Variants in ACO2 observed in about 807,000 individuals in gnomAD.
ACO2 encodes the protein aconitase 2.
ACO2 carries 31 observed loss-of-function variants against 84.5 expected under a neutral mutation model. The observed-to-expected ratio is 0.37, with a 90% confidence interval of 0.28 to 0.50. ACO2 has a LOEUF of 0.50. ACO2 is among the 20% of genes least tolerant of loss of function. ACO2 has a pLI of 0.97. For missense variants in ACO2, 685 were observed against 1,029.3 expected (o/e 0.67, Z 4.58); for synonymous variants, 414 against 412.7 (o/e 1.00, Z -0.04).
At chr22:41,471,908 C>T (rs569824206) in intron 1 of ACO2, among the ~76,000 whole-genome samples, 1 of 152,308 alleles carries the variant, frequency 6.6e-6, no homozygotes, top group East Asian at 1.9e-4. Context: ...CTCTAACACT[C>T]ATGTAGCTGT....
intron 9 of ACO2, chr22:41,521,206 G>A (rs1400494123): frequency 2.0e-5 from 3 of 152,244 alleles, no homozygotes; most frequent in Non-Finnish European, 4.4e-5. Context: ...GAGGTGTGCT[G>A]TGTTTCTGTG....
chr22:41,472,352 CAAAA>C (rs1304914957), intron 1 of ACO2, among the ~76,000 whole-genome samples: 1 of 74,220 alleles, frequency 1.3e-5, no homozygotes, highest in African/African-American at 5.2e-5. Flanking sequence ...GACTCCGTCT[CAAAA>C]AAAAAAAAAA....
intron 17 of ACO2, chr22:41,528,247 G>C (rs1382836397): frequency 1.2e-6 from 1 of 832,042 alleles, no homozygotes; most frequent in African/African-American, 1.7e-5. Flanking sequence ...TACTCACCAG[G>C]ACCTGGCACT....
intron 3 of ACO2, among the ~76,000 whole-genome samples, chr22:41,508,945 TGGGAAACACTCGG>T (rs2066414197): frequency 6.6e-6 from 1 of 152,260 alleles, no homozygotes; most frequent in South Asian, 2.1e-4. Flanking sequence ...CCCAGCCCCA[TGGGAAACACTCGG>T]GGCGGCGCTC....
Position 41,499,742 on chromosome 22 carries a change from G to C in ACO2, c.53G>C (p.Arg18Pro), listed in dbSNP as rs200327053. Residue 18 changes from arginine (R) to proline (P), a missense_variant, in exon 2 of 18, where the codon CGG becomes CCG. This residue lies in a region of ACO2 where 98 missense variants were observed against 107.6 expected (regional missense o/e 0.91). Transcript: ENST00000216254. ...TTCTTGCAGAAAGCTCTGGGTGTGC[G>C]GCAGTACCATGTGGCCTCAGTCCTG... ...VTRLQKALGV[R>P]QYHVASVLCQ... is the part of the protein sequence containing the mutation. The C allele has an allele frequency of 5.0e-6, 8 of 1,612,960 alleles. No individual in the cohort carries two copies. The highest frequency in any genetic ancestry group is 1.7e-5 in the Admixed American group (1 of 60,008).
Position 41,499,865 on chromosome 22 carries a change from A to G in ACO2, c.173+3A>G. 6.2e-7 allele frequency: 1 copy of G among 1,613,774 alleles called. No individual in the cohort carries two copies. The highest frequency in any genetic ancestry group is 8.5e-7 in the Non-Finnish European group (1 of 1,179,800). On this transcript the variant is annotated splice_donor_region_variant and intron_variant, in intron 2 of 17. Coordinates refer to ENST00000216254, the MANE Select transcript of ACO2 (RefSeq NM_001098.3). The stretch of plus-strand genomic sequence containing the variant: ...AACATTAACATTGTTCGCAAACGGT[A>G]AGGCTGCAGATGGGAGGCTGTGACT...
chr22:41,482,524 C>T (rs2038100984), intron 1 of ACO2, among the ~76,000 whole-genome samples: 1 of 152,198 alleles, frequency 6.6e-6, no homozygotes, highest in South Asian at 2.1e-4. Context: ...TACTGGTCAC[C>T]CTGATGGGAG....
chr22:41,486,165 C>A lies in ACO2; in HGVS notation c.37-13561C>A, dbSNP rs539774917. On this transcript the variant is annotated intron_variant, in intron 1 of 17. Transcript: ENST00000216254. Reference sequence around the variant, plus strand: ...TGAGGTTTTGCATTTACTTCCTGATCTTGGCTAGACTGAGGCATATTAGTC... The same window carrying A: ...TGAGGTTTTGCATTTACTTCCTGATATTGGCTAGACTGAGGCATATTAGTC... Among the ~76,000 whole-genome samples, 14 of 152,278 alleles carry A rather than the reference C, an allele frequency of 9.2e-5. No homozygotes were observed. In the South Asian group the frequency reaches 2.9e-3, roughly 32 times the overall value.
intron 4 of ACO2, among the ~76,000 whole-genome samples, chr22:41,514,715 C>CACT (rs1331044800): frequency 6.6e-6 from 1 of 152,192 alleles, no homozygotes; most frequent in Non-Finnish European, 1.5e-5. Flanking sequence ...GGGGGAAGTG[C>CACT]TCCCCACGGC....
chr22:41,475,568 G>A (rs1337245559), intron 1 of ACO2, among the ~76,000 whole-genome samples: 3 of 152,058 alleles, frequency 2.0e-5, no homozygotes, highest in Non-Finnish European at 4.4e-5. Context: ...AAGGAAGGAA[G>A]GTATTGTAGA....
chr22:41,528,263 G>A (rs2066645927), intron 17 of ACO2: 2 of 845,608 alleles, frequency 2.4e-6, no homozygotes, highest in South Asian at 1.8e-5. Flanking sequence ...GCACTCAGGG[G>A]ACAGCCCACC....
chr22:41,519,794 C>T (rs560413005), intron 8 of ACO2, among the ~76,000 whole-genome samples: 13 of 141,412 alleles, frequency 9.2e-5, no homozygotes, highest in African/African-American at 3.7e-4. Flanking sequence ...GGCAGCAGAG[C>T]GAGACTCCAT....
At chr22:41,476,808 A>G (rs1282053003) in intron 1 of ACO2, among the ~76,000 whole-genome samples, 1 of 152,038 alleles carries the variant, frequency 6.6e-6, no homozygotes, top group Non-Finnish European at 1.5e-5. Flanking sequence ...GAGAGTAGGG[A>G]CAGATTTTCC....
intron 1 of ACO2, among the ~76,000 whole-genome samples, chr22:41,492,405 GGC>G: frequency 6.6e-6 from 1 of 152,180 alleles, no homozygotes; most frequent in Non-Finnish European, 1.5e-5. Flanking sequence ...GGGAGGCCGA[GGC>G]AGGCGGATCA....
Position 41,527,182 on chromosome 22 carries a change from C to A in ACO2, c.1954-106C>A. 3.2e-6 allele frequency: 5 copies of A among 1,565,478 alleles called. No homozygotes were observed. The South Asian group carries it at 5.7e-5, about 18-fold the overall frequency. ...CCCCTCCAGCCCCTTTACCGGGAGC[C>A]TCAGGATGCCCAGGCGCCAGGTGGG... On this transcript the variant is annotated intron_variant, in intron 15 of 17. Transcript: ENST00000216254.
intron 3 of ACO2, among the ~76,000 whole-genome samples, chr22:41,509,015 C>T (rs1403723157): frequency 6.6e-6 from 1 of 152,190 alleles, no homozygotes; most frequent in Non-Finnish European, 1.5e-5. Flanking sequence ...GGTATCCTGG[C>T]TCCACAGTGG....
chr22:41,501,427 G>C (rs1569010609), intron 2 of ACO2, among the ~76,000 whole-genome samples: 1 of 152,214 alleles, frequency 6.6e-6, no homozygotes, highest in African/African-American at 2.4e-5. Flanking sequence ...CCAAAAGGAT[G>C]AATAAGGTAC....
At chr22:41,495,728 C>T (rs2066308450) in intron 1 of ACO2, among the ~76,000 whole-genome samples, 1 of 151,006 alleles carries the variant, frequency 6.6e-6, no homozygotes, top group Admixed American at 6.6e-5. Flanking sequence ...TCATGCCGTT[C>T]TCCTGCCTCA....
chr22:41,493,488 C>G (rs2066289474), intron 1 of ACO2, among the ~76,000 whole-genome samples: 1 of 152,192 alleles, frequency 6.6e-6, no homozygotes, highest in Non-Finnish European at 1.5e-5. Flanking sequence ...CCCCTGAGGA[C>G]TGGAGAAGAT....
Sources: gnomAD v4.1 joint callset for allele counts (sites outside exome capture counted in the v4.1 genomes callset) on GRCh38, gnomAD v4.1.1 for gene constraint, gnomAD v4.1.1 regional missense constraint, MANE v1.5 for transcripts, NCBI Gene and HGNC (gene_info 2026-07-23, HGNC 2026-07-21) for gene names.